Variants in UBASH3B observed in about 807,000 individuals in gnomAD.
The protein encoded by UBASH3B is ubiquitin-associated and SH3 domain-containing protein B.
A neutral mutation model predicts 83.4 loss-of-function variants in UBASH3B; 37 were observed. The observed-to-expected ratio is 0.44, with a 90% CI of 0.34 to 0.58. UBASH3B has a LOEUF of 0.58. UBASH3B is among the 20% of genes least tolerant of loss of function. The pLI is 0.01. For missense variants in UBASH3B, 657 were observed against 827.2 expected, an observed-to-expected ratio of 0.79 and a Z score of 2.52; for synonymous variants, 304 against 318.3, an observed-to-expected ratio of 0.96 and a Z score of 0.48.
At chr11:122,699,499 A>ATCTT (rs58896995) in intron 1 of UBASH3B, among the ~76,000 whole-genome samples, 134 of 138,396 alleles carry the variant, frequency 9.7e-4, no homozygotes, top group African/African-American at 3.5e-3. Flanking sequence ...TTCTTTTTAA[A>ATCTT]TCTTTCTTTC....
intron 1 of UBASH3B, among the ~76,000 whole-genome samples, chr11:122,691,123 C>T (rs970838270): frequency 3.9e-5 from 6 of 152,184 alleles, no homozygotes; most frequent in African/African-American, 1.4e-4. Context: ...GATATGTTTG[C>T]CTCTCTCCAA....
intron 1 of UBASH3B, among the ~76,000 whole-genome samples, chr11:122,702,984 A>G (rs1864063448): frequency 6.6e-6 from 1 of 152,190 alleles, no homozygotes; most frequent in African/African-American, 2.4e-5. Flanking sequence ...CATTCTATAA[A>G]CAAATTGGAC....
At position 122,809,890 on chromosome 11, in the gene UBASH3B, A is replaced by G. The variant is rs529593481; in HGVS notation, c.*4A>G. The G allele has an allele frequency of 1.2e-4, 186 of 1,612,294 alleles. 2 individuals are homozygous for G. Among genetic ancestry groups the G allele is most frequent in the South Asian group, 8.4e-4 (76 of 90,658 alleles). ...AGAGACCTTGCTTCAAGAATAAACC[A>G]CACCAGTGAACAAGAAGGAAAGGCC... On this transcript the variant is annotated 3_prime_UTR_variant, in exon 14 of 14. Coordinates refer to ENST00000284273, the MANE Select transcript of UBASH3B (RefSeq NM_032873.5).
At chr11:122,660,944 A>C (rs1302373156) in intron 1 of UBASH3B, among the ~76,000 whole-genome samples, 3 of 152,126 alleles carry the variant, frequency 2.0e-5, no homozygotes, top group Non-Finnish European at 2.9e-5. Flanking sequence ...TCTTTTCCTT[A>C]ATATCTTCAC....
rs202008949 is a variant in UBASH3B at position 122,779,613 on chromosome 11, C to T, written c.519C>T (p.Ile173=). The T allele has an allele frequency of 3.7e-4, 596 of 1,614,188 alleles. 5 individuals are homozygous for T. The South Asian group carries it at 5.6e-3, about 15-fold the overall frequency. ...AGCTCTATACGTCGTCCAACTTCATCGGCCTCTTTGTAAAGGAAGACAGTG... is the reference window on the plus strand; with the variant it reads ...AGCTCTATACGTCGTCCAACTTCATTGGCCTCTTTGTAAAGGAAGACAGTG... The part of the protein sequence containing the change: ...PLELYTSSNF[I]GLFVKEDSAE... The change falls in exon 4 of 14, where the codon ATC becomes ATT. Residue 173 remains isoleucine, a synonymous_variant. Coordinates refer to ENST00000284273, the MANE Select transcript of UBASH3B (RefSeq NM_032873.5).
intron 1 of UBASH3B, among the ~76,000 whole-genome samples, chr11:122,680,440 G>A (rs1863723419): frequency 6.6e-6 from 1 of 152,196 alleles, no homozygotes; most frequent in African/African-American, 2.4e-5. Context: ...ATGCAGGTCT[G>A]CTGCCTTCCT....
At chr11:122,725,386 C>G (rs1287130974) in intron 1 of UBASH3B, among the ~76,000 whole-genome samples, 2 of 150,402 alleles carry the variant, frequency 1.3e-5, no homozygotes, top group Non-Finnish European at 3.0e-5. Context: ...GTACCTCGCC[C>G]TTGTTAAATG....
intron 13 of UBASH3B, 82 bp from the exon 14 acceptor site, chr11:122,809,667 A>C: frequency 2.7e-6 from 4 of 1,474,442 alleles, no homozygotes; most frequent in Non-Finnish European, 3.7e-6. Context: ...CTAGGGCCAC[A>C]TGAATATCTT....
At chr11:122,800,125 C>T (rs759433103) in intron 10 of UBASH3B, among the ~76,000 whole-genome samples, 5 of 152,124 alleles carry the variant, frequency 3.3e-5, no homozygotes, top group Non-Finnish European at 7.4e-5. Flanking sequence ...AGTAAATGTT[C>T]AGCATTAGAT....
intron 1 of UBASH3B, among the ~76,000 whole-genome samples, chr11:122,658,793 T>G (rs140318726): frequency 6.6e-5 from 10 of 152,206 alleles, no homozygotes; most frequent in Non-Finnish European, 1.3e-4. Context: ...AATCGTGAAG[T>G]GTTAGTTACT....
intron 1 of UBASH3B, among the ~76,000 whole-genome samples, chr11:122,752,270 T>G (rs1861211361): frequency 6.6e-6 from 1 of 152,134 alleles, no homozygotes; most frequent in African/African-American, 2.4e-5. Context: ...CACACTCTCT[T>G]TGAGTGTTGT....
chr11:122,792,400 C>T (rs1861073344), intron 6 of UBASH3B, among the ~76,000 whole-genome samples: 2 of 150,886 alleles, frequency 1.3e-5, no homozygotes, highest in South Asian at 4.2e-4. Context: ...CTCACTGTAA[C>T]CTCTGCCTTC....
intron 1 of UBASH3B, among the ~76,000 whole-genome samples, chr11:122,715,790 G>T (rs1190569649): frequency 6.6e-6 from 1 of 152,230 alleles, no homozygotes; most frequent in Admixed American, 6.5e-5. Context: ...CCATTGCCAG[G>T]TTCTGTAACC....
At chr11:122,659,203 A>G (rs745485818) in intron 1 of UBASH3B, among the ~76,000 whole-genome samples, 11 of 152,310 alleles carry the variant, frequency 7.2e-5, no homozygotes, top group Non-Finnish European at 1.3e-4. Flanking sequence ...TTTAAAAAAA[A>G]ATGTATAAGG....
At chr11:122,703,203 G>A (rs540545243) in intron 1 of UBASH3B, among the ~76,000 whole-genome samples, 10 of 152,166 alleles carry the variant, frequency 6.6e-5, no homozygotes, top group East Asian at 3.9e-4. Flanking sequence ...TGAGGTGGGC[G>A]GATCACGAGG....
intron 1 of UBASH3B, among the ~76,000 whole-genome samples, chr11:122,767,046 G>A (rs987929095): frequency 1.3e-5 from 2 of 152,266 alleles, no homozygotes; most frequent in Admixed American, 6.5e-5. Flanking sequence ...TTGGGAAGCC[G>A]AGGTGGGCGG....
At chr11:122,712,984 T>C (rs952017866) in intron 1 of UBASH3B, among the ~76,000 whole-genome samples, 5 of 136,072 alleles carry the variant, frequency 3.7e-5, no homozygotes, top group African/African-American at 1.1e-4. Context: ...CTCGGCTCAC[T>C]GCAAGCTCCG....
In UBASH3B at chr11:122,656,042, G is replaced by A; in HGVS notation, c.-8G>A. 6.4e-7 allele frequency: 1 copy of A among 1,572,260 alleles called. No individual in the cohort carries two copies. Among genetic ancestry groups the A allele is most frequent in the Non-Finnish European group, 8.6e-7 (1 of 1,160,328 alleles). Reference sequence around the variant, plus strand: ...GCTCCTTCCCTGGCGATGGCTGGCCGCTGAGCCATGGCTCAGTACGGCCAC... The same window carrying A: ...GCTCCTTCCCTGGCGATGGCTGGCCACTGAGCCATGGCTCAGTACGGCCAC... On this transcript the variant is annotated 5_prime_UTR_variant, in exon 1 of 14. Transcript: ENST00000284273.
intron 1 of UBASH3B, among the ~76,000 whole-genome samples, chr11:122,761,927 G>A (rs1307047985): frequency 6.6e-6 from 1 of 151,674 alleles, no homozygotes; most frequent in East Asian, 1.9e-4. Flanking sequence ...GAGTAGCTGG[G>A]ACTACAGGCA....
Sources: gnomAD v4.1 joint callset for allele counts (sites outside exome capture counted in the v4.1 genomes callset) on GRCh38, gnomAD v4.1.1 for gene constraint, MANE v1.5 for transcripts, NCBI Gene and HGNC (gene_info 2026-07-23, HGNC 2026-07-21) for gene names.